Variants in CABIN1 observed in about 807,000 individuals in gnomAD.
CABIN1 encodes the protein calcineurin-binding protein cabin-1.
A neutral mutation model predicts 227.7 loss-of-function variants in CABIN1; 133 were observed. The ratio of observed to expected loss-of-function variants is 0.58; its 90% CI spans 0.51 to 0.67. CABIN1 has a LOEUF of 0.67. Ranked by LOEUF, CABIN1 falls within the 30% of genes least tolerant of loss-of-function variation. CABIN1 has a pLI of 0.00. For synonymous variants in CABIN1, 1,086 were observed against 1,155.1 expected (o/e 0.94, Z 1.21); for missense variants, 2,408 against 2,852.5 (o/e 0.84, Z 3.55).
intron 17 of CABIN1, among the ~76,000 whole-genome samples, chr22:24,071,530 G>A (rs978412455): frequency 1.3e-5 from 2 of 152,072 alleles, no homozygotes; most frequent in African/African-American, 4.8e-5. Flanking sequence ...CCATCAGCAA[G>A]TCCTGCCAAA....
At position 24,165,620 on chromosome 22, in the gene CABIN1, C is replaced by T. The variant is rs150284461; in HGVS notation, c.5001C>T (p.Leu1667=). 40 of 1,611,998 alleles carry T rather than the reference C, an allele frequency of 2.5e-5. No individual in the cohort carries two copies. The highest frequency in any genetic ancestry group is 1.7e-4 in the African/African-American group (13 of 74,908). ...VKVLEDTLSE[L]AEGSERPGPK... is the part of the protein sequence containing the mutation. Reference sequence around the variant, plus strand: ...TGCTCGAAGACACGCTGAGCGAGCTCGCAGAGGTATGCCACCTGTGTCCTC... The same window carrying T: ...TGCTCGAAGACACGCTGAGCGAGCTTGCAGAGGTATGCCACCTGTGTCCTC... The change falls in exon 31 of 37, where the codon CTC becomes CTT. Residue 1667 remains leucine, a synonymous_variant. Coordinates refer to ENST00000263119, the MANE Select transcript of CABIN1 (RefSeq NM_012295.4).
intron 20 of CABIN1, among the ~76,000 whole-genome samples, chr22:24,084,136 G>A (rs985642116): frequency 2.0e-5 from 3 of 152,188 alleles, no homozygotes; most frequent in South Asian, 4.1e-4. Context: ...GCTCAGCCAC[G>A]TGGGCTTATA....
At chr22:24,056,016 T>C (rs930133951) in intron 9 of CABIN1, among the ~76,000 whole-genome samples, 176 bp from the exon 10 acceptor site, 2 of 152,180 alleles carry the variant, frequency 1.3e-5, no homozygotes, top group Admixed American at 1.3e-4. Flanking sequence ...AGTTAAGGGG[T>C]TTCAAATTAA....
intron 12 of CABIN1, among the ~76,000 whole-genome samples, 195 bp from the exon 13 acceptor site, chr22:24,061,752 C>A (rs1261138645): frequency 6.6e-6 from 1 of 152,244 alleles, no homozygotes; most frequent in Non-Finnish European, 1.5e-5. Flanking sequence ...AGTCTTGTCC[C>A]AACATACATC....
chr22:24,049,128 T>C lies in CABIN1; in HGVS notation c.564T>C (p.Asp188=). The change falls in exon 7 of 37, where the codon GAT becomes GAC. Residue 188 remains aspartate (D), a synonymous_variant. Transcript: ENST00000263119. ...LYFICKALEK[D]CRYSKGLVLK... ...TCATCTGCAAAGCTTTGGAGAAGGA[T>C]TGCCGGTACAGCAAAGGGCTGGTCC... 4 of 1,614,150 alleles carry C rather than the reference T, an allele frequency of 2.5e-6. No individual in the cohort carries two copies. Among genetic ancestry groups the C allele is most frequent in the Non-Finnish European group, 3.4e-6 (4 of 1,180,012 alleles).
intron 8 of CABIN1, among the ~76,000 whole-genome samples, chr22:24,051,746 T>C (rs1005611794): frequency 2.0e-5 from 3 of 151,898 alleles, no homozygotes; most frequent in Non-Finnish European, 1.5e-5. Context: ...CTGGGGACAT[T>C]AGGAGCCACT....
chr22:24,168,959 T>C (rs1032045487), intron 33 of CABIN1, among the ~76,000 whole-genome samples: 112 of 152,124 alleles, frequency 7.4e-4, no homozygotes, highest in African/African-American at 2.7e-3. Context: ...CAAGGTGTCC[T>C]AAGACAGGGT....
intron 1 of CABIN1, among the ~76,000 whole-genome samples, chr22:24,024,326 C>A (rs2035932349): frequency 6.6e-6 from 1 of 151,988 alleles, no homozygotes; most frequent in Admixed American, 6.6e-5. Flanking sequence ...ATCTATTTTT[C>A]CTTTTGTTTC....
intron 27 of CABIN1, among the ~76,000 whole-genome samples, chr22:24,116,032 G>A (rs2043065346): frequency 6.6e-6 from 1 of 152,210 alleles, no homozygotes; most frequent in Non-Finnish European, 1.5e-5. Context: ...GCAGGCACAA[G>A]CTGTCACACT....
At chr22:24,124,489 G>A (rs1011466823) in intron 28 of CABIN1, among the ~76,000 whole-genome samples, 31 of 152,200 alleles carry the variant, frequency 2.0e-4, no homozygotes, top group African/African-American at 7.5e-4. Flanking sequence ...ACCCCCCAAG[G>A]CAGTCCACCT....
chr22:24,175,963 G>T, intron 34 of CABIN1, 148 bp from the exon 35 acceptor site: 5 of 920,312 alleles, frequency 5.4e-6, no homozygotes, highest in Non-Finnish European at 8.6e-6. Flanking sequence ...CACCAACCTG[G>T]ACTGCCTCAG....
Position 24,066,996 on chromosome 22 carries a change from A to G in CABIN1, c.2047A>G (p.Asn683Asp). ...GCCGGGCCTTTTTCAGATTGATAAG[A>G]ACCTGAAGTCGCTGGAGCGGTGCCA... ...SVVSLEEIDK[N>D]LKSLERCQSL... Residue 683 changes from asparagine (N) to aspartate (D), a missense_variant, in exon 16 of 37, where the codon AAC (asparagine) becomes GAC (aspartate). Transcript: ENST00000263119. 6.2e-7 allele frequency: 1 copy of G among 1,614,210 alleles called. No individual in the cohort carries two copies. The highest frequency in any genetic ancestry group is 8.5e-7 in the Non-Finnish European group (1 of 1,180,044).
At chr22:24,024,985 A>G (rs2035980541) in intron 1 of CABIN1, among the ~76,000 whole-genome samples, 1 of 152,152 alleles carries the variant, frequency 6.6e-6, no homozygotes, top group South Asian at 2.1e-4. Context: ...ATTTTTGACT[A>G]GTAATTTCAG....
chr22:24,070,772 C>T, intron 16 of CABIN1, 28 bp from the exon 17 acceptor site: 2 of 1,613,994 alleles, frequency 1.2e-6, no homozygotes, highest in South Asian at 1.1e-5. Context: ...GCTCACCGTG[C>T]ACTTCACCTG....
At chr22:24,084,475 A>T in intron 20 of CABIN1, 104 bp from the exon 21 acceptor site, 1 of 946,872 alleles carries the variant, frequency 1.1e-6, no homozygotes, top group Non-Finnish European at 1.7e-6. Context: ...ATATGCCATA[A>T]CCTCATTTAC....
intron 19 of CABIN1, among the ~76,000 whole-genome samples, chr22:24,078,256 C>T (rs969174268): frequency 1.3e-5 from 2 of 152,174 alleles, no homozygotes; most frequent in African/African-American, 4.8e-5. Flanking sequence ...CTGTTTGAAG[C>T]ATCCCTGGGG....
Position 24,083,229 on chromosome 22 carries a change from T to C in CABIN1, c.2750T>C (p.Val917Ala). Reference sequence around the variant, plus strand: ...GGCCATCTCTTCTGCCCACCACAGGTGCGAGTACTCCAGAAGGAACTGGCT... The same window carrying C: ...GGCCATCTCTTCTGCCCACCACAGGCGCGAGTACTCCAGAAGGAACTGGCT... ...NSDGALLRFY[V>A]RVLQKELAAS... Residue 917 changes from valine to alanine, a missense_variant and splice_region_variant, in exon 20 of 37, where the codon GTG becomes GCG. Physicochemically the swap from Val to Ala is moderately conservative, Grantham distance 64. This residue lies in a region of CABIN1 where 1,045 missense variants were observed against 1,168.4 expected (regional missense o/e 0.89). Transcript: ENST00000263119. The C allele has an allele frequency of 5.6e-6, 9 of 1,612,188 alleles. No homozygotes were observed. Among genetic ancestry groups the C allele is most frequent in the Non-Finnish European group, 6.8e-6 (8 of 1,179,980 alleles).
chr22:24,018,631 T>C (rs2035478373), intron 1 of CABIN1, among the ~76,000 whole-genome samples: 1 of 152,222 alleles, frequency 6.6e-6, no homozygotes. Flanking sequence ...CTGGACCTCA[T>C]CTTTTTGTGT....
intron 27 of CABIN1, among the ~76,000 whole-genome samples, chr22:24,117,548 G>T (rs913688300): frequency 2.0e-4 from 30 of 151,750 alleles, no homozygotes; most frequent in Admixed American, 6.6e-4. Flanking sequence ...GTTTTTTTGG[G>T]GGGGGGGTTA....
Sources: gnomAD v4.1 joint callset for allele counts (sites outside exome capture counted in the v4.1 genomes callset) on GRCh38, gnomAD v4.1.1 for gene constraint, gnomAD v4.1.1 regional missense constraint, MANE v1.5 for transcripts, NCBI Gene and HGNC (gene_info 2026-07-23, HGNC 2026-07-21) for gene names.